Variants in NCOA6 observed in about 807,000 individuals in gnomAD.
NCOA6 encodes nuclear receptor coactivator 6.
NCOA6 carries 49 observed loss-of-function variants against 171.4 expected under a neutral mutation model. The ratio of observed to expected loss-of-function variants is 0.29; its 90% CI spans 0.23 to 0.36. The LOEUF is 0.36. Ranked by LOEUF, NCOA6 falls within the 10% of genes least tolerant of loss-of-function variation. The pLI, the probability that NCOA6 is intolerant of heterozygous loss-of-function variation, is 1.00. For missense variants in NCOA6, 2,248 were observed against 2,554.5 expected (o/e 0.88, Z 2.59); for synonymous variants, 910 against 927.5 (o/e 0.98, Z 0.34).
At chr20:34,778,460 A>T (rs1331056710) in intron 3 of NCOA6, among the ~76,000 whole-genome samples, 1 of 146,824 alleles carries the variant, frequency 6.8e-6, no homozygotes, top group African/African-American at 2.5e-5. Context: ...ACGGAGTCTC[A>T]ATCTGTCGCC....
chr20:34,768,396 C>A, intron 5 of NCOA6, 68 bp downstream of exon 5: 2 of 1,589,392 alleles, frequency 1.3e-6, no homozygotes, highest in South Asian at 1.1e-5. Context: ...TCTTGCAGGG[C>A]TCAAATGATC....
At chr20:34,796,003 A>ATTTTTTTTTTTTTTTTTTTTTTTTTTT (rs569229378) in intron 1 of NCOA6, among the ~76,000 whole-genome samples, 3 of 95,766 alleles carry the variant, frequency 3.1e-5, no homozygotes, top group Non-Finnish European at 3.9e-5. Flanking sequence ...ATATGTTTGA[A>ATTTTTTTTTTTTTTTTTTTTTTTTTTT]TTTTTTTTTT....
At position 34,749,596 on chromosome 20, in the gene NCOA6, A is replaced by C; in HGVS notation, c.2599T>G (p.Ser867Ala). The change falls in exon 9 of 15, where the codon TCC becomes GCC. Residue 867 changes from serine (S) to alanine (A), a missense_variant. Around this residue, in one of 7 missense-constraint regions of NCOA6, gnomAD observed 987 missense variants for 1,104.7 expected, o/e 0.89. Transcript: ENST00000359003. ...GGGAAGCCTGGATTTTGACCACAGG[A>C]CATCTGATTTCCATTGGGAGCTCCA... ...FSGAPNGNQM[S>A]CGQNPGFPVN... 1 of 1,614,212 alleles carries C rather than the reference A, an allele frequency of 6.2e-7. No homozygotes were observed. The highest frequency in any genetic ancestry group is 8.5e-7 in the Non-Finnish European group (1 of 1,180,036).
intron 11 of NCOA6, among the ~76,000 whole-genome samples, chr20:34,737,271 T>C (rs1165459356): frequency 6.6e-6 from 1 of 152,226 alleles, no homozygotes; most frequent in African/African-American, 2.4e-5. Flanking sequence ...ATTCAATTCA[T>C]ACATAATAAA....
At chr20:34,722,051 T>C (rs1197450561) in intron 14 of NCOA6, among the ~76,000 whole-genome samples, 10 of 69,030 alleles carry the variant, frequency 1.4e-4, no homozygotes, top group Non-Finnish European at 2.5e-4. Context: ...TGAGACCCTG[T>C]CTCAAAAAAA....
intron 10 of NCOA6, among the ~76,000 whole-genome samples, chr20:34,743,936 A>G (rs747656816): frequency 5.3e-5 from 8 of 152,240 alleles, no homozygotes; most frequent in Non-Finnish European, 1.2e-4. Context: ...AATTATTCCA[A>G]TTCATTGGCT....
At chr20:34,821,056 A>T (rs1309187872) in intron 1 of NCOA6, 2 of 152,214 alleles carry the variant, frequency 1.3e-5, no homozygotes, top group Non-Finnish European at 2.9e-5. Flanking sequence ...GAGCATGGGT[A>T]ATCCAGCCCA....
At chr20:34,802,207 C>G (rs377387083) in intron 1 of NCOA6, among the ~76,000 whole-genome samples, 5 of 152,236 alleles carry the variant, frequency 3.3e-5, no homozygotes, top group African/African-American at 1.2e-4. Context: ...TGGCTCACGC[C>G]TATAATCCCA....
At chr20:34,738,769 T>C (rs2076036714) in intron 11 of NCOA6, 2 of 416,050 alleles carry the variant, frequency 4.8e-6, no homozygotes, top group South Asian at 1.6e-5. Flanking sequence ...ATCTCCATTT[T>C]ACAAGTGAAA....
intron 2 of NCOA6, among the ~76,000 whole-genome samples, chr20:34,784,123 A>G (rs1486426822): frequency 6.6e-6 from 1 of 152,056 alleles, no homozygotes; most frequent in Non-Finnish European, 1.5e-5. Context: ...TTATTTTCCT[A>G]TTTTCCAAAT....
chr20:34,720,117 C>A (rs958319244), intron 14 of NCOA6, among the ~76,000 whole-genome samples: 3 of 152,034 alleles, frequency 2.0e-5, no homozygotes, highest in Non-Finnish European at 4.4e-5. Flanking sequence ...TTTTTAACTA[C>A]CTTTTAAAAA....
chr20:34,821,004 G>A (rs1328435872), intron 1 of NCOA6: 1 of 152,204 alleles, frequency 6.6e-6, no homozygotes, highest in African/African-American at 2.4e-5. Flanking sequence ...ATCACTGACT[G>A]ATATAAATAT....
chr20:34,784,059 AAATT>A (rs2077593756), intron 2 of NCOA6, among the ~76,000 whole-genome samples: 1 of 152,166 alleles, frequency 6.6e-6, no homozygotes, highest in Non-Finnish European at 1.5e-5. Context: ...ATGGATAAGA[AAATT>A]AATCCCCTAA....
At chr20:34,753,773 C>G (rs1439563501) in intron 8 of NCOA6, among the ~76,000 whole-genome samples, 1 of 152,066 alleles carries the variant, frequency 6.6e-6, no homozygotes, top group East Asian at 1.9e-4. Context: ...TTCTGTTACC[C>G]TGCCAGAAAT....
At chr20:34,782,439 C>A in intron 2 of NCOA6, 35 bp from the exon 3 acceptor site, 1 of 594,060 alleles carries the variant, frequency 1.7e-6, no homozygotes, top group South Asian at 3.1e-5. Context: ...CATTACAATG[C>A]ATAGTTATGC....
chr20:34,796,896 A>C (rs944000668), intron 1 of NCOA6, among the ~76,000 whole-genome samples: 2 of 152,112 alleles, frequency 1.3e-5, no homozygotes, highest in African/African-American at 4.8e-5. Context: ...GAGACTTCTC[A>C]CTATGTATCT....
intron 4 of NCOA6, among the ~76,000 whole-genome samples, chr20:34,769,904 T>C (rs1000348135): frequency 6.6e-6 from 1 of 152,330 alleles, no homozygotes; most frequent in East Asian, 1.9e-4. Context: ...AGCTAGTCTG[T>C]GGCTGCTGAG....
At chr20:34,788,905 A>G (rs936407410) in intron 2 of NCOA6, among the ~76,000 whole-genome samples, 1 of 152,210 alleles carries the variant, frequency 6.6e-6, no homozygotes, top group African/African-American at 2.4e-5. Context: ...GCGCCATTGC[A>G]TTCCAGCCTG....
intron 14 of NCOA6, among the ~76,000 whole-genome samples, chr20:34,724,791 CTT>C (rs200702546): frequency 1.2e-4 from 17 of 142,716 alleles, no homozygotes; most frequent in Non-Finnish European, 1.1e-4. Context: ...AAGACAGAGA[CTT>C]TTTTTTTTTT....
Sources: allele counts gnomAD v4.1 joint callset (sites outside exome capture counted in the v4.1 genomes callset), GRCh38; gene constraint gnomAD v4.1.1; regional missense constraint gnomAD v4.1.1; transcripts MANE v1.5; gene names NCBI Gene and HGNC (gene_info 2026-07-23, HGNC 2026-07-21).